Variants in XRCC1 observed in about 807,000 individuals in gnomAD.
XRCC1 encodes the protein X-ray repair cross complementing 1, also known as DNA repair protein XRCC1.
In XRCC1, 52 loss-of-function variants were observed where a neutral mutation model predicts 83.3. The ratio of observed to expected loss-of-function variants is 0.62; its 90% CI spans 0.50 to 0.79. The LOEUF (loss-of-function observed/expected upper bound fraction) is 0.79. XRCC1 is among the 30% of genes least tolerant of loss of function. XRCC1 has a pLI of 0.00. For missense variants in XRCC1, 793 were observed against 823.5 expected (o/e 0.96, Z 0.45); for synonymous variants, 281 against 312.6 (o/e 0.90, Z 1.07).
intron 2 of XRCC1, among the ~76,000 whole-genome samples, chr19:43,565,938 A>G (rs542226162): frequency 4.6e-5 from 7 of 152,186 alleles, no homozygotes; most frequent in Admixed American, 3.3e-4. Context: ...ACTCTGTCTC[A>G]AGAGAGAAAA....
At chr19:43,560,832 C>A in intron 3 of XRCC1, 78 bp downstream of exon 3, 1 of 1,253,284 alleles carries the variant, frequency 8.0e-7, no homozygotes, top group Non-Finnish European at 1.2e-6. Flanking sequence ...TCTTCCCAGC[C>A]CCAGCCCCTG....
chr19:43,566,897 A>T (rs1314113456), intron 2 of XRCC1, among the ~76,000 whole-genome samples: 3 of 151,080 alleles, frequency 2.0e-5, no homozygotes, highest in Non-Finnish European at 4.4e-5. Flanking sequence ...AAAAAAAAAA[A>T]GGTTTATATA....
Position 43,575,432 on chromosome 19 carries a change from G to C in XRCC1, c.27C>G (p.Val9=), listed in dbSNP as rs758430913. Reference sequence around the variant, plus strand: ...CCGAGTCCTGGCTGCTGCAGGACACGACATGGCGGAGGCGGATCTCCGGCA... The same window carrying C: ...CCGAGTCCTGGCTGCTGCAGGACACCACATGGCGGAGGCGGATCTCCGGCA... The part of the protein sequence containing the change: MPEIRLRH[V]VSCSSQDSTH... Residue 9 remains valine, a synonymous_variant, in exon 1 of 17, where the codon GTC becomes GTG. Transcript: ENST00000262887. 1.2e-6 allele frequency: 2 copies of C among 1,612,108 alleles called. No individual in the cohort carries two copies. The highest frequency in any genetic ancestry group is 1.7e-5 in the Admixed American group (1 of 59,896).
intron 2 of XRCC1, among the ~76,000 whole-genome samples, chr19:43,572,050 C>A (rs1215381736): frequency 1.3e-5 from 2 of 152,176 alleles, no homozygotes; most frequent in Non-Finnish European, 2.9e-5. Flanking sequence ...GACATCCCAA[C>A]TGAAACACAT....
chr19:43,564,828 A>G (rs918759044), intron 2 of XRCC1, among the ~76,000 whole-genome samples: 1 of 152,012 alleles, frequency 6.6e-6, no homozygotes. Flanking sequence ...AATATCTTAC[A>G]GATCTGGAGG....
Position 43,552,983 on chromosome 19 carries a change from T to A in XRCC1, c.710A>T (p.Lys237Met). 1 of 1,604,432 alleles carries A rather than the reference T, an allele frequency of 6.2e-7. No homozygotes were observed. The highest frequency in any genetic ancestry group is 8.5e-7 in the Non-Finnish European group (1 of 1,175,842). Residue 237 changes from lysine (K) to methionine (M), a missense_variant and splice_region_variant, in exon 7 of 17, where the codon AAG becomes ATG. Lys to Met is a moderately conservative substitution (Grantham distance 95, BLOSUM62 -1). Coordinates refer to ENST00000262887, the MANE Select transcript of XRCC1 (RefSeq NM_006297.3). ...CCCACCAAAGTCTGATGATTTCACC[T>A]TGGAGGTGCTGCCTATGGCCCTGGA... ...PVSRAIGSTSKPQESPKGKRK... is the reference protein window; with the variant it reads ...PVSRAIGSTSMPQESPKGKRK...
chr19:43,549,512 T>C (rs1201652281), intron 10 of XRCC1, among the ~76,000 whole-genome samples: 3 of 152,164 alleles, frequency 2.0e-5, no homozygotes, highest in Non-Finnish European at 4.4e-5. Flanking sequence ...CTGCCCACCT[T>C]GGCCTCCCAA....
At chr19:43,552,470 C>T (rs1972590137) in intron 8 of XRCC1, among the ~76,000 whole-genome samples, 195 bp from the exon 9 acceptor site, 1 of 149,916 alleles carries the variant, frequency 6.7e-6, no homozygotes, top group African/African-American at 2.5e-5. Flanking sequence ...AGTCCAGGCC[C>T]CCAGCCCCTC....
intron 14 of XRCC1, among the ~76,000 whole-genome samples, chr19:43,545,337 G>T (rs1180262011): frequency 6.6e-6 from 1 of 152,160 alleles, no homozygotes; most frequent in Non-Finnish European, 1.5e-5. Flanking sequence ...TTTTACACTG[G>T]AAATGCAAAC....
intron 6 of XRCC1, 148 bp downstream of exon 6, chr19:43,553,253 C>G: frequency 8.8e-7 from 1 of 1,141,482 alleles, no homozygotes; most frequent in Admixed American, 2.2e-5. Flanking sequence ...CCAGGCCCAC[C>G]TTCCTCCACC....
At chr19:43,552,953 T>C (rs372223449) in intron 7 of XRCC1, 29 bp downstream of exon 7, 1 of 1,609,116 alleles carries the variant, frequency 6.2e-7, no homozygotes, top group Non-Finnish European at 8.5e-7. Flanking sequence ...TCTCTCCTCC[T>C]CCACCCCACC....
chr19:43,544,842 C>G (rs2682556), intron 14 of XRCC1, among the ~76,000 whole-genome samples: 31,580 of 150,358 alleles, frequency 0.21, 3,453 homozygotes, highest in Non-Finnish European at 0.24. Context: ...AGGCGGGGGT[C>G]GGGGGGGGTC....
At chr19:43,560,477 C>A (rs980948574) in intron 3 of XRCC1, among the ~76,000 whole-genome samples, 4 of 151,816 alleles carry the variant, frequency 2.6e-5, no homozygotes, top group African/African-American at 9.7e-5. Context: ...TGGAAGCAGG[C>A]GTTAGAGTGA....
At chr19:43,558,667 CATAA>C (rs1054950043) in intron 3 of XRCC1, among the ~76,000 whole-genome samples, 6 of 151,128 alleles carry the variant, frequency 4.0e-5, no homozygotes, top group Non-Finnish European at 8.8e-5. Flanking sequence ...TACATATATA[CATAA>C]ATAAATAATA....
chr19:43,554,011 C>G (rs1044652824), intron 4 of XRCC1, among the ~76,000 whole-genome samples: 19 of 152,272 alleles, frequency 1.2e-4, no homozygotes, highest in African/African-American at 4.6e-4. Flanking sequence ...ACTTCCAGAA[C>G]ACAGAAGTGT....
At chr19:43,556,862 G>A (rs1025432158) in intron 3 of XRCC1, among the ~76,000 whole-genome samples, 2 of 151,892 alleles carry the variant, frequency 1.3e-5, no homozygotes, top group African/African-American at 4.8e-5. Context: ...AAAATTAGCT[G>A]GACATGGTGG....
rs752726404 is a variant in XRCC1, at chr19:43,553,645, G to A, written c.453C>T (p.Ser151=). ...PFGLSFVRFH[S]PPDKDEAEAP... ...CCTCTGCCTCATCTTTGTCTGGGGG[G>A]CTATGAAACCGTACAAAACTCAAGC... The change falls in exon 5 of 17, where the codon AGC becomes AGT. Residue 151 remains serine, a synonymous_variant. Transcript: ENST00000262887. 3 of 1,558,006 alleles carry A rather than the reference G, an allele frequency of 1.9e-6. No individual in the cohort carries two copies. Among genetic ancestry groups the A allele is most frequent in the Non-Finnish European group, 2.6e-6 (3 of 1,147,584 alleles).
chr19:43,553,204 C>A, intron 6 of XRCC1, 113 bp from the exon 7 acceptor site: 1 of 1,260,736 alleles, frequency 7.9e-7, no homozygotes, highest in South Asian at 1.4e-5. Context: ...ATCCAGGAGT[C>A]CCAGCCTCCA....
At chr19:43,546,772 G>C (rs766684504) in intron 11 of XRCC1, 45 bp from the exon 12 acceptor site, 1 of 1,595,764 alleles carries the variant, frequency 6.3e-7, no homozygotes, top group African/African-American at 1.3e-5. Flanking sequence ...GAACAGTGTG[G>C]GTGTGTTGGG....
Sources: allele counts gnomAD v4.1 joint callset (sites outside exome capture counted in the v4.1 genomes callset), GRCh38; gene constraint gnomAD v4.1.1; transcripts MANE v1.5; gene names NCBI Gene and HGNC (gene_info 2026-07-23, HGNC 2026-07-21).